WNT4: variants seen among roughly 807,000 people sequenced by gnomAD.
WNT4 encodes Wnt family member 4, also known as protein Wnt-4.
In WNT4, 16 loss-of-function variants were observed where a neutral mutation model predicts 34.5. The observed-to-expected ratio is 0.46, with a 90% CI of 0.31 to 0.70. The LOEUF is 0.70. WNT4 is among the 30% of genes least tolerant of loss of function. WNT4 has a pLI of 0.04. For missense variants in WNT4, 379 were observed against 495.9 expected, an observed-to-expected ratio of 0.76 and a Z score of 2.24; for synonymous variants, 200 against 211.9, an observed-to-expected ratio of 0.94 and a Z score of 0.49.
intron 2 of WNT4, among the ~76,000 whole-genome samples, chr1:22,123,833 C>T (rs1459439903): frequency 6.6e-6 from 1 of 152,200 alleles, no homozygotes; most frequent in East Asian, 1.9e-4. Flanking sequence ...TAGGTCCACC[C>T]CAAACTTCAC....
At chr1:22,125,264 T>G (rs1045899906) in intron 2 of WNT4, among the ~76,000 whole-genome samples, 1 of 151,886 alleles carries the variant, frequency 6.6e-6, no homozygotes, top group Non-Finnish European at 1.5e-5. Flanking sequence ...TCTAATTGTC[T>G]TGTGTGTGTC....
intron 2 of WNT4, among the ~76,000 whole-genome samples, chr1:22,123,301 C>T (rs1645916430): frequency 6.6e-6 from 1 of 152,098 alleles, no homozygotes; most frequent in South Asian, 2.1e-4. Flanking sequence ...GCTGATCTCC[C>T]CTGTGTACTG....
At chr1:22,127,403 C>A (rs760836772) in intron 2 of WNT4, 5 of 533,326 alleles carry the variant, frequency 9.4e-6, no homozygotes, top group Non-Finnish European at 1.9e-5. Flanking sequence ...TCCTTCCTTG[C>A]GCCTTTGAGT....
Position 22,119,963 on chromosome 1 carries a change from C to A in WNT4, c.*87G>T. ...CCAGAACAAAAAATACAACCAGTAT[C>A]TCTTGGGGTAGGTGGTGGGAGACTG... On this transcript the variant is annotated 3_prime_UTR_variant, in exon 5 of 5. Coordinates refer to ENST00000290167, the MANE Select transcript of WNT4 (RefSeq NM_030761.5). 6.7e-7 allele frequency: 1 copy of A among 1,493,516 alleles called. No individual in the cohort carries two copies. Among genetic ancestry groups the A allele is most frequent in the Non-Finnish European group, 9.1e-7 (1 of 1,098,294 alleles). The allele number at this position is 1,493,516 out of a possible 1,614,324, so 92.5% of individuals were successfully genotyped here.
rs775493134 is a variant in WNT4 at position 22,127,399 on chromosome 1, C to T, written c.313+2217G>A. Reference sequence around the variant, plus strand: ...AGCATTGCCCCAGGCTACCTCCTTCCTTGCGCCTTTGAGTCCTCTCCCCTG... The same window carrying T: ...AGCATTGCCCCAGGCTACCTCCTTCTTTGCGCCTTTGAGTCCTCTCCCCTG... On this transcript the variant is annotated intron_variant, in intron 2 of 4. Transcript: ENST00000290167. 5.6e-6 allele frequency: 3 copies of T among 533,494 alleles called. No individual in the cohort carries two copies. In the East Asian group the frequency reaches 1.6e-4, roughly 29 times the overall value. 33.0% of individuals were successfully genotyped at this position (533,494 alleles called of 1,614,324 possible).
Position 22,139,239 on chromosome 1 carries a change from C to T in WNT4, c.77+3607G>A, listed in dbSNP as rs1461359194. On this transcript the variant is annotated intron_variant, in intron 1 of 4. Transcript: ENST00000290167. This position sits in a 1 kb window ranked among gnomAD's most constrained non-coding sequence, Gnocchi z 4.6. ...ACGCAGCCCTGCAGCTCCCTGACAG[C>T]AGCCCTTGCTTCCGGCAGCTGCCAG... is the stretch of plus-strand genomic sequence containing the variant. Among the ~76,000 whole-genome samples the T allele has an allele frequency of 6.6e-6, 1 of 152,232 alleles. No individual in the cohort carries two copies. The highest frequency in any genetic ancestry group is 1.5e-5 in the Non-Finnish European group (1 of 68,042).
chr1:22,136,217 C>A (rs1646020572), intron 1 of WNT4, among the ~76,000 whole-genome samples: 2 of 152,138 alleles, frequency 1.3e-5, no homozygotes, highest in African/African-American at 4.8e-5. Context: ...CTCCCTGAGG[C>A]AGGTGTGTTG....
At chr1:22,136,228 T>C (rs932117900) in intron 1 of WNT4, among the ~76,000 whole-genome samples, 2 of 152,106 alleles carry the variant, frequency 1.3e-5, no homozygotes, top group African/African-American at 4.8e-5. Context: ...AGGTGTGTTG[T>C]TGGGGGGAGT....
At position 22,138,408 on chromosome 1, in the gene WNT4, C is replaced by CT. The variant is rs1007279573; in HGVS notation, c.77+4437_77+4438insA. Among the ~76,000 whole-genome samples, 342 of 152,200 alleles carry CT rather than the reference C, an allele frequency of 2.2e-3. 3 individuals carry two copies. The highest frequency in any genetic ancestry group is 8.0e-3 in the African/African-American group (332 of 41,518). On this transcript the variant is annotated intron_variant, in intron 1 of 4. Transcript: ENST00000290167. ...TTCCTGGGGGAATGATTTTGCCCGC[C>CT]CCCCAGGGGACATTTGGCAAAGTCT...
In WNT4 at chr1:22,129,834, G is replaced by A. The variant is rs1434900917; in HGVS notation, c.95C>T (p.Ser32Leu). The A allele has an allele frequency of 1.2e-6, 2 of 1,613,716 alleles. No homozygotes were observed. The highest frequency in any genetic ancestry group is 1.3e-5 in the African/African-American group (1 of 74,902). The change falls in exon 2 of 5, where the codon TCG becomes TTG. Residue 32 changes from serine (S) to leucine (L), a missense_variant. Physicochemically the swap from Ser to Leu is moderately radical, Grantham distance 145. Transcript: ENST00000290167. ...ASNWLYLAKL[S>L]SVGSISEEET... is the part of the protein sequence containing the mutation. ...CTCCTCTGAGATGCTCCCCACCGAC[G>A]ACAGCTTGGCCAGGTACCTGGGGAG...
intron 1 of WNT4, among the ~76,000 whole-genome samples, chr1:22,135,508 CTT>C (rs1195029366): frequency 2.6e-5 from 4 of 152,176 alleles, no homozygotes; most frequent in Non-Finnish European, 4.4e-5. Flanking sequence ...CTTGATGGGT[CTT>C]TCTAGAGCCC....
chr1:22,121,316 G>A lies in WNT4; in HGVS notation c.483C>T (p.Tyr161=), dbSNP rs149600184. Residue 161 remains tyrosine (Y), a synonymous_variant, in exon 4 of 5, where the codon TAC becomes TAT. Transcript: ENST00000290167. ...CAAACGACTGTGAGAAGGCCACACC[G>A]TAGGCGATGTTGTCAGAGCATCCTG... ...QWSGCSDNIA[Y]GVAFSQSFVD... is the part of the protein sequence containing the mutation. 1,352 of 1,614,150 alleles carry A rather than the reference G, an allele frequency of 8.4e-4. 4 individuals are homozygous for A. The African/African-American group carries it at 0.012, about 15-fold the overall frequency.
At position 22,134,379 on chromosome 1, in the gene WNT4, A is replaced by G. The variant is rs1482371510; in HGVS notation, c.78-4528T>C. Among the ~76,000 whole-genome samples, 1 of 152,142 alleles carries G rather than the reference A, an allele frequency of 6.6e-6. No individual in the cohort carries two copies. The highest frequency in any genetic ancestry group is 1.5e-5 in the Non-Finnish European group (1 of 68,010). ...AGGACTGTGTTCTTAGGGGGATGGT[A>G]CCTGGTTTCCCAAGATCCTAACCAT... On this transcript the variant is annotated intron_variant, in intron 1 of 4. Transcript: ENST00000290167. This position sits in a 1 kb window ranked among gnomAD's most constrained non-coding sequence, Gnocchi z 4.1.
intron 1 of WNT4, among the ~76,000 whole-genome samples, chr1:22,141,976 G>C (rs1236775766): frequency 5.3e-5 from 8 of 152,172 alleles, no homozygotes; most frequent in Non-Finnish European, 1.2e-4. Context: ...GGTTAAGCGC[G>C]GGGCATGGGG....
rs201844495 is a variant in WNT4 at position 22,121,410 on chromosome 1, C to T, written c.445+35G>A. 86 of 1,613,860 alleles carry T rather than the reference C, an allele frequency of 5.3e-5. No homozygotes were observed. The African/African-American group carries it at 1.1e-3, about 21-fold the overall frequency. ...GTGAGTGAGGGCCAGGGCCAAGCCC[C>T]CTGCCCTCCCACTCTGACCACCTCC... On this transcript the variant is annotated intron_variant, in intron 3 of 4. Transcript: ENST00000290167.
In WNT4 at chr1:22,120,580, G is replaced by A. The variant is rs375630399; in HGVS notation, c.589-63C>T. The A allele has an allele frequency of 1.2e-4, 182 of 1,517,552 alleles. 5 individuals carry two copies. The East Asian group carries it at 2.0e-3, about 17-fold the overall frequency. 94.0% of individuals were successfully genotyped at this position (1,517,552 alleles called of 1,614,324 possible). A position where few individuals can be genotyped will look rare whatever the true frequency, so the allele number is the denominator to read the frequency against. On this transcript the variant is annotated intron_variant, in intron 4 of 4. Coordinates refer to ENST00000290167, the MANE Select transcript of WNT4 (RefSeq NM_030761.5). ...TGGCAAGGGAAGGCAGGGGAGGGCCGCGGAGGCTGACAGCCGAGCATCGGG... is the reference window on the plus strand; with the variant it reads ...TGGCAAGGGAAGGCAGGGGAGGGCCACGGAGGCTGACAGCCGAGCATCGGG...
intron 1 of WNT4, among the ~76,000 whole-genome samples, chr1:22,132,955 A>C (rs1645995642): frequency 6.6e-6 from 1 of 152,148 alleles, no homozygotes; most frequent in Admixed American, 6.5e-5. Flanking sequence ...CAGGCATTAC[A>C]GGCCCTCATC....
In WNT4 at chr1:22,129,805, TCTC is replaced by T. The variant is rs1413874145; in HGVS notation, c.121_123del (p.Glu41del). ...ATCAGGCCCTTGAGTTTCTCGCACG[TCTC>T]CTCCTCTGAGATGCTCCCCACCGAC... On this transcript the variant is annotated inframe_deletion, in exon 2 of 5. Transcript: ENST00000290167. 1 of 1,613,720 alleles carries T rather than the reference TCTC, an allele frequency of 6.2e-7. No homozygotes were observed. Among genetic ancestry groups the T allele is most frequent in the African/African-American group, 1.3e-5 (1 of 74,842 alleles).
Position 22,137,422 on chromosome 1 carries a change from A to C in WNT4, c.77+5424T>G, listed in dbSNP as rs1050686791. 6.6e-6 allele frequency among the ~76,000 whole-genome samples: 1 copy of C among 152,110 alleles called. No individual in the cohort carries two copies. The highest frequency in any genetic ancestry group is 1.5e-5 in the Non-Finnish European group (1 of 68,006). The stretch of plus-strand genomic sequence containing the variant: ...CTCCATGCAGTGAAGGGGTGACTGG[A>C]GGGCCCACGGCAGGCAGCTGTCACC... On this transcript the variant is annotated intron_variant, in intron 1 of 4. Coordinates refer to ENST00000290167, the MANE Select transcript of WNT4 (RefSeq NM_030761.5). This position sits in a 1 kb window ranked among gnomAD's most constrained non-coding sequence, Gnocchi z 5.3.
Sources: gnomAD v4.1 joint callset for allele counts (sites outside exome capture counted in the v4.1 genomes callset) on GRCh38, gnomAD v4.1.1 for gene constraint, Gnocchi (gnomAD v3.1) non-coding constraint, MANE v1.5 for transcripts, NCBI Gene and HGNC (gene_info 2026-07-23, HGNC 2026-07-21) for gene names.